The following SDK1 variants were observed in gnomAD, a reference collection of about 807,000 sequenced individuals.
The protein encoded by SDK1 is sidekick cell adhesion molecule 1.
Under a neutral mutation model 245.5 loss-of-function variants are expected in SDK1, and 157 were observed. That is an observed-to-expected ratio of 0.64 (90% CI 0.56 to 0.73). The LOEUF is 0.73. Ranked by LOEUF, SDK1 falls within the 30% of genes least tolerant of loss-of-function variation. SDK1 has a pLI of 0.00. For synonymous variants in SDK1, 1,647 were observed against 1,278.5 expected, an observed-to-expected ratio of 1.29 and a Z score of -6.15; for missense variants, 3,583 against 3,002.3, an observed-to-expected ratio of 1.19 and a Z score of -4.52.
intron 4 of SDK1, among the ~76,000 whole-genome samples, chr7:3,812,191 G>A (rs1361628702): frequency 6.6e-6 from 1 of 152,186 alleles, no homozygotes; most frequent in African/African-American, 2.4e-5. Flanking sequence ...ATTTGCTTGG[G>A]TTCCAGGTGC....
chr7:3,556,268 C>T (rs1015582606), intron 1 of SDK1, among the ~76,000 whole-genome samples: 1 of 152,102 alleles, frequency 6.6e-6, no homozygotes, highest in African/African-American at 2.4e-5. Flanking sequence ...TTTGCAACAA[C>T]ACTCGTTTTG....
At chr7:3,313,504 C>A (rs1352649358) in intron 1 of SDK1, among the ~76,000 whole-genome samples, 1 of 152,104 alleles carries the variant, frequency 6.6e-6, no homozygotes, top group African/African-American at 2.4e-5. Flanking sequence ...AAATTGAACC[C>A]AGGAGTGAGG....
intron 1 of SDK1, among the ~76,000 whole-genome samples, chr7:3,524,496 C>T (rs1021571641): frequency 2.6e-5 from 4 of 152,054 alleles, no homozygotes; most frequent in African/African-American, 9.7e-5. Flanking sequence ...AAGGCTATGC[C>T]AAACAGGCCT....
intron 4 of SDK1, among the ~76,000 whole-genome samples, chr7:3,667,263 C>A (rs1305459840): frequency 6.6e-6 from 1 of 152,152 alleles, no homozygotes; most frequent in South Asian, 2.1e-4. Context: ...AAAAAACACA[C>A]ATTTGTATAG....
chr7:3,665,202 C>T (rs903375159), intron 4 of SDK1, among the ~76,000 whole-genome samples: 1 of 152,176 alleles, frequency 6.6e-6, no homozygotes, highest in African/African-American at 2.4e-5. Context: ...AGGAGACCCA[C>T]ACATGGGGAC....
At chr7:3,868,398 C>T (rs926331657) in intron 5 of SDK1, among the ~76,000 whole-genome samples, 1 of 152,104 alleles carries the variant, frequency 6.6e-6, no homozygotes, top group African/African-American at 2.4e-5. Context: ...TGTGGAGGAA[C>T]TATACTTTAT....
chr7:3,631,616 T>A (rs1782290255), intron 2 of SDK1, among the ~76,000 whole-genome samples: 1 of 152,342 alleles, frequency 6.6e-6, no homozygotes, highest in African/African-American at 2.4e-5. Flanking sequence ...GTTGAGTGTT[T>A]TTGTATTTCT....
chr7:3,984,525 C>T (rs1408442705), intron 13 of SDK1, among the ~76,000 whole-genome samples: 1 of 152,182 alleles, frequency 6.6e-6, no homozygotes, highest in Non-Finnish European at 1.5e-5. Flanking sequence ...AGCAGCTTGT[C>T]AGGGGCCACA....
intron 5 of SDK1, among the ~76,000 whole-genome samples, chr7:3,881,851 C>T (rs541112364): frequency 6.6e-6 from 1 of 152,338 alleles, no homozygotes; most frequent in East Asian, 1.9e-4. Context: ...CATGGTACAG[C>T]TTCCCTTCAC....
At chr7:3,799,844 A>G (rs1255883327) in intron 4 of SDK1, among the ~76,000 whole-genome samples, 1 of 152,062 alleles carries the variant, frequency 6.6e-6, no homozygotes, top group African/African-American at 2.4e-5. Flanking sequence ...TGTATGTCTA[A>G]ATTTGACTAA....
chr7:4,227,795 G>A (rs1785529298), intron 40 of SDK1, among the ~76,000 whole-genome samples: 1 of 152,176 alleles, frequency 6.6e-6, no homozygotes, highest in African/African-American at 2.4e-5. Context: ...TGCTGCGCTG[G>A]GCTCCAGCTC....
chr7:3,795,297 C>T (rs2115028324), intron 4 of SDK1, among the ~76,000 whole-genome samples: 1 of 152,074 alleles, frequency 6.6e-6, no homozygotes, highest in East Asian at 1.9e-4. Flanking sequence ...GATAGGGTGT[C>T]TTGTAAATTA....
intron 1 of SDK1, among the ~76,000 whole-genome samples, chr7:3,336,692 C>T (rs891042923): frequency 6.6e-6 from 1 of 152,104 alleles, no homozygotes; most frequent in Non-Finnish European, 1.5e-5. Flanking sequence ...ATGGCTTAGC[C>T]CTTGGCTTTC....
intron 1 of SDK1, among the ~76,000 whole-genome samples, chr7:3,437,363 G>T (rs1780059198): frequency 6.6e-6 from 1 of 152,130 alleles, no homozygotes; most frequent in Admixed American, 6.5e-5. Context: ...TTTCTATAAA[G>T]AATGTTTTAG....
intron 32 of SDK1, among the ~76,000 whole-genome samples, chr7:4,162,225 G>A (rs186079137): frequency 7.2e-5 from 11 of 152,134 alleles, no homozygotes; most frequent in East Asian, 1.9e-4. Flanking sequence ...ATTGGTTATC[G>A]CCCTACAAGG....
At chr7:3,595,295 T>A (rs1781017574) in intron 1 of SDK1, among the ~76,000 whole-genome samples, 1 of 152,118 alleles carries the variant, frequency 6.6e-6, no homozygotes, top group Non-Finnish European at 1.5e-5. Context: ...ATATTTTGCT[T>A]GTAAAAAATT....
chr7:3,687,839 T>G (rs1419837935), intron 4 of SDK1, among the ~76,000 whole-genome samples: 1 of 152,208 alleles, frequency 6.6e-6, no homozygotes, highest in Non-Finnish European at 1.5e-5. Context: ...ACAGTGCTGT[T>G]CTATACTTCC....
At chr7:3,791,738 A>G (rs929487311) in intron 4 of SDK1, among the ~76,000 whole-genome samples, 6 of 152,108 alleles carry the variant, frequency 3.9e-5, no homozygotes, top group African/African-American at 1.4e-4. Flanking sequence ...ATCAAGGGTG[A>G]TCTGTTCGGA....
chr7:4,262,496 C>G (rs866147466), intron 44 of SDK1, among the ~76,000 whole-genome samples: 9 of 151,816 alleles, frequency 5.9e-5, no homozygotes, highest in African/African-American at 1.4e-4. Context: ...GACTGATCTT[C>G]AAACATCAGT....
Sources: gnomAD v4.1 joint callset for allele counts (sites outside exome capture counted in the v4.1 genomes callset) on GRCh38, gnomAD v4.1.1 for gene constraint, MANE v1.5 for transcripts, NCBI Gene and HGNC (gene_info 2026-07-23, HGNC 2026-07-21) for gene names.